PARD3B: variants seen among roughly 807,000 people sequenced by gnomAD.
PARD3B encodes the protein partitioning defective 3 homolog B.
Under a neutral mutation model 130.2 loss-of-function variants are expected in PARD3B, and 103 were observed. The observed-to-expected ratio is 0.79, with a 90% CI of 0.67 to 0.93. The LOEUF (loss-of-function observed/expected upper bound fraction) is 0.93. PARD3B is among the 40% of genes least tolerant of loss of function. PARD3B has a pLI of 0.00. For missense variants in PARD3B, 1,609 were observed against 1,499.2 expected (o/e 1.07, Z -1.21); for synonymous variants, 583 against 553.2 (o/e 1.05, Z -0.76).
At position 204,890,678 on chromosome 2, in the gene PARD3B, A is replaced by C. The variant is rs746272498; in HGVS notation, c.223-74474A>C. On this transcript the variant is annotated intron_variant, in intron 2 of 22. Transcript: ENST00000406610. The surrounding 1 kb of genome is among the most constrained non-coding windows in gnomAD (Gnocchi z 4.9). Reference sequence around the variant, plus strand: ...GGACACATGCACAACGGTAAGTGTCACAAAGTGACAACTGAGCTAGATGTA... The same window carrying C: ...GGACACATGCACAACGGTAAGTGTCCCAAAGTGACAACTGAGCTAGATGTA... Among the ~76,000 whole-genome samples, 2 of 152,182 alleles carry C rather than the reference A, an allele frequency of 1.3e-5. No homozygotes were observed. Among genetic ancestry groups the C allele is most frequent in the South Asian group, 4.1e-4 (2 of 4,834 alleles).
Position 204,887,749 on chromosome 2 carries a change from CAT to C in PARD3B, c.223-77401_223-77400del, listed in dbSNP as rs2046312627. 6.6e-6 allele frequency among the ~76,000 whole-genome samples: 1 copy of C among 151,956 alleles called. No homozygotes were observed. Among genetic ancestry groups the C allele is most frequent in the Non-Finnish European group, 1.5e-5 (1 of 68,008 alleles). On this transcript the variant is annotated intron_variant, in intron 2 of 22. Coordinates refer to ENST00000406610, the MANE Select transcript of PARD3B (RefSeq NM_001302769.2). This position sits in a 1 kb window ranked among gnomAD's most constrained non-coding sequence, Gnocchi z 4.2. Reference sequence around the variant, plus strand: ...AAGCAGAATGCAAGGTAACTGGAGACATAAAATGAGCACACATGTAAAACCAA... The same window carrying C: ...AAGCAGAATGCAAGGTAACTGGAGACAAAATGAGCACACATGTAAAACCAA...
At chr2:205,449,644 G>C (rs1022677535) in intron 20 of PARD3B, among the ~76,000 whole-genome samples, 1 of 152,166 alleles carries the variant, frequency 6.6e-6, no homozygotes, top group African/African-American at 2.4e-5. Flanking sequence ...GAGGCACTTA[G>C]TATTTGCTTA....
intron 2 of PARD3B, 111 bp from the exon 3 acceptor site, chr2:204,965,041 T>C: frequency 1.0e-6 from 1 of 976,978 alleles, no homozygotes; most frequent in Non-Finnish European, 1.5e-6. Context: ...ACATTTTAAG[T>C]TTGATGAGGC....
Position 204,806,316 on chromosome 2 carries a change from G to A in PARD3B, c.222+120034G>A, listed in dbSNP as rs143033511. ...CACATAGACCAATGGAACAGAATAGGGAACCTAGAAAGAAATCCACAAATC... is the reference window on the plus strand; with the variant it reads ...CACATAGACCAATGGAACAGAATAGAGAACCTAGAAAGAAATCCACAAATC... On this transcript the variant is annotated intron_variant, in intron 2 of 22. Transcript: ENST00000406610. Among the ~76,000 whole-genome samples, 310 of 152,000 alleles carry A rather than the reference G, an allele frequency of 2.0e-3. 3 individuals are homozygous for A. The highest frequency in any genetic ancestry group is 7.1e-3 in the African/African-American group (296 of 41,468).
At chr2:205,310,809 C>T (rs1048313205) in intron 18 of PARD3B, among the ~76,000 whole-genome samples, 5 of 146,746 alleles carry the variant, frequency 3.4e-5, no homozygotes, top group Non-Finnish European at 5.9e-5. Context: ...CTGCAATCTC[C>T]GCCTCCCGGG....
At chr2:204,749,692 A>G (rs980055995) in intron 2 of PARD3B, among the ~76,000 whole-genome samples, 3 of 152,310 alleles carry the variant, frequency 2.0e-5, no homozygotes, top group African/African-American at 7.2e-5. Flanking sequence ...AACTCTGAGA[A>G]CGTCATGCAT....
intron 2 of PARD3B, among the ~76,000 whole-genome samples, chr2:204,727,665 G>A (rs2039296304): frequency 6.6e-6 from 1 of 152,184 alleles, no homozygotes; most frequent in Non-Finnish European, 1.5e-5. Flanking sequence ...ATTTATGCTG[G>A]GCAGGGTGGC....
intron 2 of PARD3B, among the ~76,000 whole-genome samples, chr2:204,730,822 A>G (rs2039479397): frequency 6.6e-6 from 1 of 152,188 alleles, no homozygotes; most frequent in African/African-American, 2.4e-5. Flanking sequence ...GGAGTGTACA[A>G]CATCCCTTTA....
chr2:205,569,072 A>G (rs892595833), intron 22 of PARD3B, among the ~76,000 whole-genome samples: 2 of 152,228 alleles, frequency 1.3e-5, no homozygotes, highest in African/African-American at 2.4e-5. Context: ...ACCTATGTCA[A>G]TTTAATAGGT....
At chr2:205,042,579 C>T (rs1698470598) in intron 3 of PARD3B, among the ~76,000 whole-genome samples, 1 of 151,906 alleles carries the variant, frequency 6.6e-6, no homozygotes, top group East Asian at 1.9e-4. Context: ...TAGTAGCTTT[C>T]TCTTTGGCTT....
chr2:204,839,352 TA>T (rs1323628578), intron 2 of PARD3B, among the ~76,000 whole-genome samples: 3 of 152,220 alleles, frequency 2.0e-5, no homozygotes, highest in Non-Finnish European at 4.4e-5. Context: ...TTTTGTTGAG[TA>T]AAAGTATTCT....
At chr2:204,745,671 T>A (rs1026054650) in intron 2 of PARD3B, among the ~76,000 whole-genome samples, 12 of 151,970 alleles carry the variant, frequency 7.9e-5, no homozygotes, top group Admixed American at 2.6e-4. Flanking sequence ...CCAAAGTGCT[T>A]GGATTACAGG....
intron 18 of PARD3B, among the ~76,000 whole-genome samples, chr2:205,393,383 A>G (rs368502870): frequency 2.0e-5 from 3 of 152,244 alleles, no homozygotes; most frequent in African/African-American, 7.2e-5. Context: ...ATCCAGGTCC[A>G]GAAAATACTA....
At chr2:205,480,923 G>A (rs2049210509) in intron 20 of PARD3B, among the ~76,000 whole-genome samples, 1 of 152,170 alleles carries the variant, frequency 6.6e-6, no homozygotes. Flanking sequence ...TGAGAACGTG[G>A]AGGCAGAGTG....
intron 2 of PARD3B, among the ~76,000 whole-genome samples, chr2:204,717,439 C>T (rs1309135238): frequency 6.6e-6 from 1 of 152,134 alleles, no homozygotes; most frequent in Admixed American, 6.5e-5. Context: ...TTTTAAAACT[C>T]TCATCCTGTT....
intron 21 of PARD3B, among the ~76,000 whole-genome samples, chr2:205,537,617 G>A (rs2051920970): frequency 6.6e-6 from 1 of 152,100 alleles, no homozygotes; most frequent in Non-Finnish European, 1.5e-5. Context: ...CCCATCAATG[G>A]ACCGATAGCA....
rs1395034957 is a variant in PARD3B, at chr2:204,887,506, C to G, written c.223-77646C>G. Among the ~76,000 whole-genome samples the G allele has an allele frequency of 6.6e-6, 1 of 152,082 alleles. No individual in the cohort carries two copies. On this transcript the variant is annotated intron_variant, in intron 2 of 22. Coordinates refer to ENST00000406610, the MANE Select transcript of PARD3B (RefSeq NM_001302769.2). This position sits in a 1 kb window ranked among gnomAD's most constrained non-coding sequence, Gnocchi z 4.2. Reference sequence around the variant, plus strand: ...TAGCAAGTTTTAAAAGCAAAACACTCAAATTATACCACGTTGAAAACATGA... The same window carrying G: ...TAGCAAGTTTTAAAAGCAAAACACTGAAATTATACCACGTTGAAAACATGA...
intron 3 of PARD3B, among the ~76,000 whole-genome samples, chr2:205,020,608 G>A (rs1696522126): frequency 6.6e-6 from 1 of 152,120 alleles, no homozygotes; most frequent in South Asian, 2.1e-4. Context: ...TTACATTCAG[G>A]TAAGATTACA....
At position 205,401,330 on chromosome 2, in the gene PARD3B, A is replaced by G. The variant is rs140114325; in HGVS notation, c.2741+207A>G. Among the ~76,000 whole-genome samples, 857 of 152,328 alleles carry G rather than the reference A, an allele frequency of 5.6e-3. 6 individuals carry two copies. The highest frequency in any genetic ancestry group is 0.019 in the African/African-American group (770 of 41,582). ...AAGAAATTTGCTTCATGTTTTTACT[A>G]TATCAGTGCCTATAATTCCATAACA... is the stretch of plus-strand genomic sequence containing the variant. On this transcript the variant is annotated intron_variant, in intron 19 of 22. Transcript: ENST00000406610.
Sources: gnomAD v4.1 joint callset for allele counts (sites outside exome capture counted in the v4.1 genomes callset) on GRCh38, gnomAD v4.1.1 for gene constraint, Gnocchi (gnomAD v3.1) non-coding constraint, MANE v1.5 for transcripts, NCBI Gene and HGNC (gene_info 2026-07-23, HGNC 2026-07-21) for gene names.